Variants in NRN1 observed in about 807,000 individuals in gnomAD.
The protein encoded by NRN1 is neuritin.
Under a neutral mutation model 15.0 loss-of-function variants are expected in NRN1, and 4 were observed. That is an observed-to-expected ratio of 0.27 (90% CI 0.13 to 0.61). NRN1 has a LOEUF of 0.61. Ranked by LOEUF, NRN1 falls within the 20% of genes least tolerant of loss-of-function variation. The pLI, the probability that NRN1 is intolerant of heterozygous loss-of-function variation, is 0.87. For synonymous variants in NRN1, 85 were observed against 79.8 expected, an observed-to-expected ratio of 1.07 and a Z score of -0.35; for missense variants, 134 against 181.9, an observed-to-expected ratio of 0.74 and a Z score of 1.51.
chr6:6,002,308 A>G (rs1757970897), intron 2 of NRN1, 45 bp downstream of exon 2: 1 of 1,605,598 alleles, frequency 6.2e-7, no homozygotes, highest in African/African-American at 1.3e-5. Flanking sequence ...CGACCTCAGT[A>G]GCGCCCCCAA....
In NRN1 at chr6:5,998,875, A is replaced by C. The variant is rs28618179; in HGVS notation, c.*101T>G. 5.3e-6 allele frequency: 4 copies of C among 760,116 alleles called. No homozygotes were observed. Among genetic ancestry groups the C allele is most frequent in the Non-Finnish European group, 8.6e-6 (4 of 462,734 alleles). The allele number at this position is 760,116 out of a possible 1,614,324, so 47.1% of individuals were successfully genotyped here. On this transcript the variant is annotated 3_prime_UTR_variant, in exon 3 of 3. Coordinates refer to ENST00000244766, the MANE Select transcript of NRN1 (RefSeq NM_016588.3). ...CCTATATGAGTGTTTTCAGCATCAC[A>C]GAGAATCACAACGTCCCCAAAGAAC...
chr6:6,006,947 GA>G, upstream of NRN1: 1 of 192,644 alleles, frequency 5.2e-6, no homozygotes, highest in Non-Finnish European at 9.7e-6. Context: ...GAAAGAGAGA[GA>G]GAGAGAGAGG....
intron 1 of NRN1, among the ~76,000 whole-genome samples, chr6:6,005,143 A>G (rs1353026797): frequency 2.6e-5 from 4 of 151,726 alleles, no homozygotes. Flanking sequence ...TTCCCTCCAA[A>G]CCTCTCAAAG....
intron 1 of NRN1, among the ~76,000 whole-genome samples, chr6:6,005,454 A>G (rs1450675963): frequency 1.3e-5 from 2 of 152,266 alleles, no homozygotes; most frequent in South Asian, 2.1e-4. Context: ...ATGTTTCTGC[A>G]TTATAAAATC....
At chr6:6,004,967 A>G (rs957340305) in intron 1 of NRN1, among the ~76,000 whole-genome samples, 1 of 149,914 alleles carries the variant, frequency 6.7e-6, no homozygotes, top group Non-Finnish European at 1.5e-5. Flanking sequence ...GATTTGGGAC[A>G]GCTCCCAGCC....
At chr6:6,002,223 GA>G in intron 2 of NRN1, 129 bp downstream of exon 2, 1 of 1,222,062 alleles carries the variant, frequency 8.2e-7, no homozygotes, top group Non-Finnish European at 1.2e-6. Context: ...GTTGGAGCCA[GA>G]AGGCAAGAGT....
intron 1 of NRN1, 63 bp downstream of exon 1, chr6:6,006,632 G>T (rs1805758371): frequency 7.2e-6 from 11 of 1,534,906 alleles, no homozygotes; most frequent in African/African-American, 2.7e-5. Context: ...CCCCCTCCGC[G>T]CCTCGGGCCG....
chr6:6,007,276 C>A (rs1394484724), upstream of NRN1, among the ~76,000 whole-genome samples: 2 of 151,752 alleles, frequency 1.3e-5, no homozygotes, highest in African/African-American at 4.8e-5. Context: ...AACAGGGGCT[C>A]CCCCTCCCTT....
At chr6:6,003,136 A>G in intron 1 of NRN1, 1 of 1,167,136 alleles carries the variant, frequency 8.6e-7, no homozygotes, top group Non-Finnish European at 1.1e-6. Context: ...AGTTACCGAA[A>G]TGGATTGTTT....
rs55712329 is a variant in NRN1 at position 6,000,722 on chromosome 6, CTTTTTTT to C, written c.201-1525_201-1519del. The stretch of plus-strand genomic sequence containing the variant: ...CCTGCTAAAGGATGCCTAAATTGCT[CTTTTTTT>C]TTTTTTTTTTTTTTTTTTTATGTAC... On this transcript the variant is annotated intron_variant, in intron 2 of 2. Coordinates refer to ENST00000244766, the MANE Select transcript of NRN1 (RefSeq NM_016588.3). 4.6e-3 allele frequency among the ~76,000 whole-genome samples: 280 copies of C among 60,848 alleles called. 7 individuals are homozygous for C. The highest frequency in any genetic ancestry group is 0.02 in the South Asian group (26 of 1,314). The allele number at this position is 60,848 out of a possible 152,430, so 39.9% of individuals were successfully genotyped here. A position where few individuals can be genotyped will look rare whatever the true frequency, so the allele number is the denominator to read the frequency against.
intron 1 of NRN1, 30 bp downstream of exon 1, chr6:6,006,665 A>C: frequency 6.2e-7 from 1 of 1,611,254 alleles, no homozygotes; most frequent in South Asian, 1.1e-5. Context: ...TCCCGCCTCC[A>C]GCCTCCAGCC....
intron 2 of NRN1, 114 bp downstream of exon 2, chr6:6,002,239 C>G: frequency 7.4e-7 from 1 of 1,349,072 alleles, no homozygotes; most frequent in Non-Finnish European, 1.0e-6. Flanking sequence ...AAGAGTGAGC[C>G]GATGCGGATT....
Position 6,002,421 on chromosome 6 carries a change from C to T in NRN1, c.132G>A (p.Lys44=). Residue 44 remains lysine (K), a synonymous_variant, in exon 2 of 3, where the codon AAG becomes AAA. Coordinates refer to ENST00000244766, the MANE Select transcript of NRN1 (RefSeq NM_016588.3). ...GGTAGTTGGCCATGCTGTCGCCCAG[C>T]TTGAGCAAACAGTCCGAAAAGCCCT... ...VFKGFSDCLL[K]LGDSMANYPQ... 1.2e-6 allele frequency: 2 copies of T among 1,614,230 alleles called. No homozygotes were observed. Among genetic ancestry groups the T allele is most frequent in the Non-Finnish European group, 1.7e-6 (2 of 1,180,032 alleles).
At chr6:6,002,576 G>T in intron 1 of NRN1, 79 bp from the exon 2 acceptor site, 1 of 1,541,852 alleles carries the variant, frequency 6.5e-7, no homozygotes. Flanking sequence ...CGAGACCCTG[G>T]CTCCGCGCGG....
In NRN1 at chr6:5,999,177, C is replaced by T. The variant is rs775063624; in HGVS notation, c.228G>A (p.Thr76=). The T allele has an allele frequency of 1.5e-5, 25 of 1,613,884 alleles. No homozygotes were observed. Among genetic ancestry groups the T allele is most frequent in the Non-Finnish European group, 2.1e-5 (25 of 1,179,976 alleles). The part of the protein sequence containing the change: ...CTYWEDFHSC[T]VTALTDCQEG... ...CCTGGCAATCCGTAAGGGCTGTGAC[C>T]GTGCAGCTGTGGAAATCCTCCCAGT... Residue 76 remains threonine (T), a synonymous_variant, in exon 3 of 3, where the codon ACG becomes ACA. Transcript: ENST00000244766.
chr6:6,006,854 G>T lies in NRN1; in HGVS notation c.-105C>A, dbSNP rs1237436102. On this transcript the variant is annotated 5_prime_UTR_variant, in exon 1 of 3. Transcript: ENST00000244766. ...GGCATTGCCAACAAGTTCCGGGAGC[G>T]ACAGAGACTTTATGCACTGGGAAGG... 1 of 963,332 alleles carries T rather than the reference G, an allele frequency of 1.0e-6. No homozygotes were observed. The highest frequency in any genetic ancestry group is 1.7e-6 in the Non-Finnish European group (1 of 593,790). 59.7% of individuals were successfully genotyped at this position (963,332 alleles called of 1,614,324 possible). A position where few individuals can be genotyped will look rare whatever the true frequency, so the allele number is the denominator to read the frequency against.
intron 2 of NRN1, among the ~76,000 whole-genome samples, chr6:5,999,655 CG>C (rs2151031066): frequency 6.6e-6 from 1 of 152,342 alleles, no homozygotes; most frequent in East Asian, 1.9e-4. Flanking sequence ...GCCCTCCCCT[CG>C]GGGCTTCTTA....
intron 2 of NRN1, among the ~76,000 whole-genome samples, chr6:5,999,581 C>A (rs573567264): frequency 1.9e-4 from 29 of 152,244 alleles, no homozygotes; most frequent in Admixed American, 1.3e-4. Context: ...CAGTGCTAAG[C>A]CTCGCAAGCT....
At chr6:6,003,043 C>T (rs952193727) in intron 1 of NRN1, 47 of 531,166 alleles carry the variant, frequency 8.8e-5, no homozygotes, top group Non-Finnish European at 1.1e-4. Flanking sequence ...GAATAAGCCT[C>T]AGGCTTGGCG....
Sources: allele counts gnomAD v4.1 joint callset (sites outside exome capture counted in the v4.1 genomes callset), GRCh38; gene constraint gnomAD v4.1.1; transcripts MANE v1.5; gene names NCBI Gene and HGNC (gene_info 2026-07-23, HGNC 2026-07-21).